The following SUCLG2 variants were observed in gnomAD, a reference collection of about 807,000 sequenced individuals.
SUCLG2 encodes succinate-CoA ligase GDP-forming subunit beta.
Under a neutral mutation model 47.9 loss-of-function variants are expected in SUCLG2, and 42 were observed. The ratio of observed to expected loss-of-function variants is 0.88; its 90% CI spans 0.69 to 1.14. The LOEUF is 1.14. Ranked by LOEUF, SUCLG2 falls within the 50% of genes most tolerant of loss-of-function variation. The probability of loss-of-function intolerance (pLI) is 0.00; values close to 1 mark genes in which losing one functional copy is unlikely to be tolerated. For missense variants in SUCLG2, 571 were observed against 525.9 expected, an observed-to-expected ratio of 1.09 and a Z score of -0.84; for synonymous variants, 195 against 197.3, an observed-to-expected ratio of 0.99 and a Z score of 0.10.
At chr3:67,555,508 A>C (rs966877477) in intron 2 of SUCLG2, among the ~76,000 whole-genome samples, 1 of 152,174 alleles carries the variant, frequency 6.6e-6, no homozygotes, top group East Asian at 1.9e-4. Context: ...AATCTTTCCC[A>C]AAAACAACCA....
chr3:67,529,400 C>T (rs899525920), intron 2 of SUCLG2, among the ~76,000 whole-genome samples: 2 of 152,160 alleles, frequency 1.3e-5, no homozygotes, highest in African/African-American at 4.8e-5. Context: ...ATGCTTCCTA[C>T]CAGTTTAATC....
intron 1 of SUCLG2, among the ~76,000 whole-genome samples, chr3:67,625,329 C>T (rs1700807806): frequency 6.6e-6 from 1 of 152,134 alleles, no homozygotes; most frequent in Admixed American, 6.5e-5. Context: ...TATCAACCAC[C>T]ATGACCTTAC....
intron 9 of SUCLG2, among the ~76,000 whole-genome samples, chr3:67,475,252 C>T (rs1704719295): frequency 6.6e-6 from 1 of 152,138 alleles, no homozygotes; most frequent in South Asian, 2.1e-4. Flanking sequence ...ATATTAAACC[C>T]TACCTAACTG....
At chr3:67,398,663 A>G (rs1007643603) in intron 10 of SUCLG2, among the ~76,000 whole-genome samples, 9 of 152,150 alleles carry the variant, frequency 5.9e-5, no homozygotes, top group Non-Finnish European at 1.3e-4. Context: ...CAGCAATCCC[A>G]TTACTGGGTA....
chr3:67,479,302 AC>A (rs925439945), intron 9 of SUCLG2, among the ~76,000 whole-genome samples: 5 of 151,814 alleles, frequency 3.3e-5, no homozygotes, highest in Non-Finnish European at 7.4e-5. Context: ...AAAAAAAAAA[AC>A]AACAAAAGAA....
intron 2 of SUCLG2, among the ~76,000 whole-genome samples, chr3:67,587,431 A>T (rs1156793615): frequency 1.3e-5 from 2 of 152,226 alleles, no homozygotes; most frequent in African/African-American, 4.8e-5. Flanking sequence ...TCAGCATAAT[A>T]ACCGTGGCAT....
intron 2 of SUCLG2, among the ~76,000 whole-genome samples, chr3:67,591,569 G>GT (rs1708165860): frequency 6.6e-6 from 1 of 152,118 alleles, no homozygotes; most frequent in Non-Finnish European, 1.5e-5. Context: ...TTATCAGGGG[G>GT]TTCTGCTTTT....
At chr3:67,556,938 A>G (rs1707178200) in intron 2 of SUCLG2, among the ~76,000 whole-genome samples, 1 of 152,228 alleles carries the variant, frequency 6.6e-6, no homozygotes, top group Admixed American at 6.5e-5. Context: ...CAACATGGGG[A>G]GTATGAGATA....
intron 10 of SUCLG2, chr3:67,376,114 T>C: frequency 2.0e-6 from 2 of 985,452 alleles, no homozygotes; most frequent in Non-Finnish European, 2.4e-6. Context: ...GGAAGCTGAG[T>C]TGTCTGCTGA....
At chr3:67,454,432 T>A (rs1247413260) in intron 9 of SUCLG2, among the ~76,000 whole-genome samples, 1 of 152,042 alleles carries the variant, frequency 6.6e-6, no homozygotes, top group East Asian at 1.9e-4. Context: ...GTGAAATAAT[T>A]ATACAGCCTA....
chr3:67,503,673 T>C (rs781423204), intron 7 of SUCLG2, among the ~76,000 whole-genome samples: 21 of 152,242 alleles, frequency 1.4e-4, no homozygotes, highest in Admixed American at 1.2e-3. Flanking sequence ...CCATTTTTTA[T>C]ACAAAGTGGG....
chr3:67,459,164 G>A (rs549197985), intron 9 of SUCLG2, among the ~76,000 whole-genome samples: 6 of 152,240 alleles, frequency 3.9e-5, no homozygotes, highest in East Asian at 3.9e-4. Context: ...ATATGAATTC[G>A]TTATCACAGT....
Position 67,374,932 on chromosome 3 carries a change from T to C in SUCLG2, c.*812A>G, listed in dbSNP as rs1028509401. ...GAGAAACGAGGAGAGAAGATAGTGA[T>C]ACTAAACACAATTTGATCTTCAGTG... is the stretch of plus-strand genomic sequence containing the variant. On this transcript the variant is annotated 3_prime_UTR_variant, in exon 11 of 11. Coordinates refer to ENST00000307227, the MANE Select transcript of SUCLG2 (RefSeq NM_003848.4). 4.1e-6 allele frequency: 4 copies of C among 985,582 alleles called. No individual in the cohort carries two copies. The highest frequency in any genetic ancestry group is 1.7e-5 in the African/African-American group (1 of 57,230). 61.1% of individuals were successfully genotyped at this position (985,582 alleles called of 1,614,324 possible). A position where few individuals can be genotyped will look rare whatever the true frequency, so the allele number is the denominator to read the frequency against.
chr3:67,563,962 A>G (rs1442145762), intron 2 of SUCLG2, among the ~76,000 whole-genome samples: 5 of 141,796 alleles, frequency 3.5e-5, no homozygotes, highest in African/African-American at 1.3e-4. Flanking sequence ...TCTGTCTCAA[A>G]AAAAAAAAAA....
At chr3:67,406,723 AGC>A (rs1702820319) in intron 9 of SUCLG2, among the ~76,000 whole-genome samples, 1 of 152,176 alleles carries the variant, frequency 6.6e-6, no homozygotes, top group Non-Finnish European at 1.5e-5. Flanking sequence ...AGTCTCACAG[AGC>A]AAACGCCATG....
chr3:67,470,679 G>A (rs1704582731), intron 9 of SUCLG2, among the ~76,000 whole-genome samples: 1 of 152,188 alleles, frequency 6.6e-6, no homozygotes, highest in Non-Finnish European at 1.5e-5. Context: ...GCCCTAACCA[G>A]ATGGTTGAGC....
chr3:67,504,142 T>C (rs1452196164), intron 7 of SUCLG2, among the ~76,000 whole-genome samples: 1 of 152,146 alleles, frequency 6.6e-6, no homozygotes, highest in African/African-American at 2.4e-5. Flanking sequence ...AAAATGCTGA[T>C]ACTTTCAAAT....
chr3:67,368,732 A>G (rs1273244628), intron 10 of SUCLG2, among the ~76,000 whole-genome samples: 3 of 152,128 alleles, frequency 2.0e-5, no homozygotes, highest in East Asian at 1.9e-4. Flanking sequence ...CAGCCTCCCA[A>G]GTAGCTGGGA....
intron 10 of SUCLG2, among the ~76,000 whole-genome samples, chr3:67,366,179 TGGTC>T (rs1181862290): frequency 2.6e-5 from 4 of 152,104 alleles, no homozygotes; most frequent in Non-Finnish European, 5.9e-5. Context: ...AGTGGAAACT[TGGTC>T]GGGCGCAGTG....
Sources: gnomAD v4.1 joint callset for allele counts (sites outside exome capture counted in the v4.1 genomes callset) on GRCh38, gnomAD v4.1.1 for gene constraint, MANE v1.5 for transcripts, NCBI Gene and HGNC (gene_info 2026-07-23, HGNC 2026-07-21) for gene names.